The following STAM variants were observed in gnomAD, a reference collection of about 807,000 sequenced individuals.
The protein encoded by STAM is signal transducing adapter molecule 1.
STAM carries 16 observed loss-of-function variants against 63.4 expected under a neutral mutation model. The observed-to-expected ratio is 0.25, with a 90% CI of 0.17 to 0.38. The LOEUF is 0.38. Ranked by LOEUF, STAM falls within the 10% of genes least tolerant of loss-of-function variation. The pLI is 1.00. For missense variants in STAM, 636 were observed against 657.1 expected (o/e 0.97, Z 0.35); for synonymous variants, 238 against 223.9 (o/e 1.06, Z -0.56).
At chr10:17,673,161 T>C (rs2131607621) in intron 2 of STAM, 1 of 420,220 alleles carries the variant, frequency 2.4e-6, no homozygotes, top group South Asian at 9.8e-5. Flanking sequence ...AAATATTTTG[T>C]GTTTATTGCC....
Position 17,700,355 on chromosome 10 carries a change from ATTAC to A in STAM, c.912+79_912+82del. 3.5e-6 allele frequency: 4 copies of A among 1,148,940 alleles called. No individual in the cohort carries two copies. In the East Asian group the frequency reaches 8.0e-5, roughly 23 times the overall value. 71.2% of individuals were successfully genotyped at this position (1,148,940 alleles called of 1,614,324 possible). A position where few individuals can be genotyped will look rare whatever the true frequency, so the allele number is the denominator to read the frequency against. On this transcript the variant is annotated intron_variant, in intron 9 of 13. Coordinates refer to ENST00000377524, the MANE Select transcript of STAM (RefSeq NM_003473.4). ...ATGGTTTTGCTTTAAGAAAAAATTG[ATTAC>A]TTGAGTTTTTTTGTTGTAAAAATTT...
At chr10:17,674,030 C>T (rs1403388858) in intron 2 of STAM, among the ~76,000 whole-genome samples, 1 of 152,078 alleles carries the variant, frequency 6.6e-6, no homozygotes, top group African/African-American at 2.4e-5. Context: ...ACTGGAGGTC[C>T]AAGAGAGCAG....
At chr10:17,707,271 G>A (rs539076699) in intron 12 of STAM, among the ~76,000 whole-genome samples, 7 of 152,196 alleles carry the variant, frequency 4.6e-5, no homozygotes, top group Middle Eastern at 3.4e-3. Context: ...TTAGCCTGGC[G>A]TGGTGGTGGG....
intron 5 of STAM, among the ~76,000 whole-genome samples, chr10:17,690,270 A>G (rs1345074981): frequency 6.6e-6 from 1 of 152,194 alleles, no homozygotes. Context: ...CCAGGCTTCC[A>G]GTGGAGTGAA....
chr10:17,706,024 C>T (rs1024788791), intron 12 of STAM, among the ~76,000 whole-genome samples: 6 of 152,026 alleles, frequency 3.9e-5, no homozygotes, highest in South Asian at 4.1e-4. Flanking sequence ...GCCGTGTTCA[C>T]ACCACTGCAG....
intron 2 of STAM, among the ~76,000 whole-genome samples, chr10:17,662,835 C>G (rs766483019): frequency 1.3e-4 from 20 of 152,212 alleles, no homozygotes; most frequent in Non-Finnish European, 2.8e-4. Flanking sequence ...GAGTGCAACT[C>G]TGCCTGCTTT....
intron 2 of STAM, among the ~76,000 whole-genome samples, chr10:17,671,543 T>A (rs1834641129): frequency 6.6e-6 from 1 of 152,192 alleles, no homozygotes; most frequent in Non-Finnish European, 1.5e-5. Context: ...CTGGGTGGTA[T>A]TGCTCCATTA....
chr10:17,712,088 G>A (rs1038024690), intron 13 of STAM, among the ~76,000 whole-genome samples: 2 of 152,240 alleles, frequency 1.3e-5, no homozygotes, highest in Non-Finnish European at 2.9e-5. Context: ...TGGGTGGACG[G>A]TGGAACTGTA....
chr10:17,679,577 G>A (rs1312569244), intron 2 of STAM, among the ~76,000 whole-genome samples: 3 of 146,224 alleles, frequency 2.1e-5, no homozygotes, highest in African/African-American at 7.5e-5. Flanking sequence ...TAATTTGCGT[G>A]TGTTTTTTTT....
At chr10:17,695,893 G>C (rs1280917343) in intron 7 of STAM, 1 of 152,108 alleles carries the variant, frequency 6.6e-6, no homozygotes, top group Non-Finnish European at 1.5e-5. Context: ...TAGACTAACT[G>C]GTTTATAAAC....
Position 17,715,080 on chromosome 10 carries a change from A to G in STAM, c.*300A>G, listed in dbSNP as rs528082441. Reference sequence around the variant, plus strand: ...CTGGTCTGCAGAAAGTCAAACTTACAAAAACTGTTGTGACAAATGTTATGT... The same window carrying G: ...CTGGTCTGCAGAAAGTCAAACTTACGAAAACTGTTGTGACAAATGTTATGT... On this transcript the variant is annotated 3_prime_UTR_variant, in exon 14 of 14. Transcript: ENST00000377524. 9.6e-5 allele frequency: 37 copies of G among 386,888 alleles called. No individual in the cohort carries two copies. The highest frequency in any genetic ancestry group is 6.9e-4 in the African/African-American group (34 of 49,036). 24.0% of individuals were successfully genotyped at this position (386,888 alleles called of 1,614,324 possible). A position where few individuals can be genotyped will look rare whatever the true frequency, so the allele number is the denominator to read the frequency against.
intron 1 of STAM, among the ~76,000 whole-genome samples, chr10:17,650,388 T>G (rs186421147): frequency 6.6e-4 from 100 of 152,326 alleles, no homozygotes; most frequent in African/African-American, 2.3e-3. Flanking sequence ...TTTACCAGAG[T>G]TGAATAGGCT....
chr10:17,668,160 A>AGT (rs1173024448), intron 2 of STAM, among the ~76,000 whole-genome samples: 1 of 152,192 alleles, frequency 6.6e-6, no homozygotes, highest in Non-Finnish European at 1.5e-5. Context: ...TTGGAGAGAG[A>AGT]GGCAGTGATC....
chr10:17,669,884 C>CT (rs76381388), intron 2 of STAM, among the ~76,000 whole-genome samples: 15,754 of 120,746 alleles, frequency 0.13, 1,161 homozygotes, highest in African/African-American at 0.19. Context: ...CTTTTCTTTT[C>CT]TTTTTTTTTT....
At chr10:17,712,221 T>A (rs1836586010) in intron 13 of STAM, among the ~76,000 whole-genome samples, 1 of 152,226 alleles carries the variant, frequency 6.6e-6, no homozygotes, top group African/African-American at 2.4e-5. Context: ...CGGTAAACTA[T>A]TACCCCCATT....
At chr10:17,709,151 C>A (rs1224515533) in intron 13 of STAM, among the ~76,000 whole-genome samples, 200 bp downstream of exon 13, 1 of 152,150 alleles carries the variant, frequency 6.6e-6, no homozygotes. Context: ...TCCCGACTCG[C>A]TCAACTCATG....
In STAM at chr10:17,695,255, T is replaced by G. The variant is rs782226890; in HGVS notation, c.728+14T>G. On this transcript the variant is annotated intron_variant, in intron 7 of 13. Coordinates refer to ENST00000377524, the MANE Select transcript of STAM (RefSeq NM_003473.4). The stretch of plus-strand genomic sequence containing the variant: ...TCTTGATGACAGGTAATGTTAATAT[T>G]ACATTTAAAATTTGTATGAAAGTGT... The G allele has an allele frequency of 6.2e-7, 1 of 1,607,574 alleles. No individual in the cohort carries two copies. The highest frequency in any genetic ancestry group is 1.3e-5 in the African/African-American group (1 of 74,708).
At chr10:17,656,227 G>C (rs1833931709) in intron 1 of STAM, among the ~76,000 whole-genome samples, 1 of 151,358 alleles carries the variant, frequency 6.6e-6, no homozygotes. Context: ...CTGGGAGGTG[G>C]AGGTTGCAGT....
At chr10:17,674,112 A>G (rs1834752740) in intron 2 of STAM, among the ~76,000 whole-genome samples, 1 of 152,198 alleles carries the variant, frequency 6.6e-6, no homozygotes, top group African/African-American at 2.4e-5. Flanking sequence ...TAGTCTTTAT[A>G]AACTTGAAGT....
Sources: gnomAD v4.1 joint callset for allele counts (sites outside exome capture counted in the v4.1 genomes callset) on GRCh38, gnomAD v4.1.1 for gene constraint, MANE v1.5 for transcripts, NCBI Gene and HGNC (gene_info 2026-07-23, HGNC 2026-07-21) for gene names.